The following SNTG1 variants were observed in gnomAD, a reference collection of about 807,000 sequenced individuals.
SNTG1 encodes the protein gamma-1-syntrophin.
In SNTG1, 39 loss-of-function variants were observed where a neutral mutation model predicts 74.7. That is an observed-to-expected ratio of 0.52 (90% CI 0.40 to 0.68). The LOEUF (loss-of-function observed/expected upper bound fraction) is 0.68, where lower values mean the gene tolerates loss of function less well. SNTG1 is among the 30% of genes least tolerant of loss of function. SNTG1 has a pLI of 0.00. For missense variants in SNTG1, 685 were observed against 609.5 expected (o/e 1.12, Z -1.30); for synonymous variants, 254 against 217.1 (o/e 1.17, Z -1.49).
chr8:50,491,141 G>C (rs1256214987), intron 8 of SNTG1: 1 of 152,364 alleles, frequency 6.6e-6, no homozygotes, highest in Non-Finnish European at 1.5e-5. Flanking sequence ...AGCCACCACG[G>C]GTTCTGCCGG....
At chr8:50,363,856 T>A (rs1229813566) in intron 2 of SNTG1, among the ~76,000 whole-genome samples, 5 of 152,128 alleles carry the variant, frequency 3.3e-5, no homozygotes, top group Non-Finnish European at 7.3e-5. Flanking sequence ...GATAGCCTTC[T>A]CTCTAAAGGT....
At chr8:50,016,941 G>GACA (rs1013984001) in intron 1 of SNTG1, among the ~76,000 whole-genome samples, 2 of 152,012 alleles carry the variant, frequency 1.3e-5, no homozygotes, top group African/African-American at 2.4e-5. Context: ...GCAGTGAGAT[G>GACA]ACATAGTTAA....
At chr8:50,022,691 G>A (rs968127860) in intron 1 of SNTG1, among the ~76,000 whole-genome samples, 1 of 152,200 alleles carries the variant, frequency 6.6e-6, no homozygotes, top group Non-Finnish European at 1.5e-5. Flanking sequence ...ACTGCTTACT[G>A]TCTGTGTTTT....
Position 50,354,193 on chromosome 8 carries a change from C to T in SNTG1, c.-27-40019C>T, listed in dbSNP as rs1359804277. Among the ~76,000 whole-genome samples, 4 of 152,300 alleles carry T rather than the reference C, an allele frequency of 2.6e-5. No homozygotes were observed. The East Asian group carries it at 7.7e-4, about 29-fold the overall frequency. Reference sequence around the variant, plus strand: ...TTCTTTATTAGCTGTTACTAAAAGTCTTGACTTTCCCTTCATCACAAAGGT... The same window carrying T: ...TTCTTTATTAGCTGTTACTAAAAGTTTTGACTTTCCCTTCATCACAAAGGT... On this transcript the variant is annotated intron_variant, in intron 2 of 18. Coordinates refer to ENST00000642720, the MANE Select transcript of SNTG1 (RefSeq NM_018967.5).
chr8:50,318,740 A>G (rs1189787161), intron 2 of SNTG1, among the ~76,000 whole-genome samples: 1 of 152,210 alleles, frequency 6.6e-6, no homozygotes, highest in Non-Finnish European at 1.5e-5. Flanking sequence ...TCAGTTCTAA[A>G]GTGTTGAAAT....
intron 12 of SNTG1, among the ~76,000 whole-genome samples, chr8:50,553,693 C>T (rs1427100478): frequency 6.6e-5 from 10 of 152,104 alleles, no homozygotes; most frequent in Non-Finnish European, 1.3e-4. Flanking sequence ...CCACTACAAC[C>T]GTTGCTTCCT....
chr8:50,704,681 C>A lies in SNTG1; in HGVS notation c.1120C>A (p.Leu374Met). The A allele has an allele frequency of 6.2e-7, 1 of 1,614,116 alleles. No homozygotes were observed. Among genetic ancestry groups the A allele is most frequent in the African/African-American group, 1.3e-5 (1 of 75,032 alleles). Residue 374 changes from leucine (L) to methionine (M), a missense_variant, in exon 16 of 19, where the codon CTG (leucine) becomes ATG (methionine). Coordinates refer to ENST00000642720, the MANE Select transcript of SNTG1 (RefSeq NM_018967.5). ...GGAGGACCTGTACTTCTCAGTGGAG[C>A]TGGAAAGTGACCTCGCCCAGTGGGA... ...SGEDLYFSVE[L>M]ESDLAQWERA...
rs578031969 is a variant in SNTG1 at position 50,032,344 on chromosome 8, C to G, written c.-103+120113C>G. ...TTTCTTTACTTGGGAGTTAATTTTG[C>G]TCTTTTATTCTAATTTTTTGAGATG... On this transcript the variant is annotated intron_variant, in intron 1 of 18. Transcript: ENST00000642720. Among the ~76,000 whole-genome samples, 10 of 150,850 alleles carry G rather than the reference C, an allele frequency of 6.6e-5. No homozygotes were observed. The South Asian group carries it at 1.9e-3, about 29-fold the overall frequency.
intron 15 of SNTG1, among the ~76,000 whole-genome samples, chr8:50,701,586 C>CTTCTTCTTCTTCTTCTTCTTCTTCTTCT (rs2095423842): frequency 0.011 from 1,611 of 145,300 alleles, 163 homozygotes; most frequent in African/African-American, 0.037. Context: ...CTTTTTCTTC[C>CTTCTTCTTCTTCTTCTTCTTCTTCTTCT]TCTTCTTCTT....
chr8:50,767,094 T>A (rs1563820204), intron 18 of SNTG1, among the ~76,000 whole-genome samples: 1 of 151,908 alleles, frequency 6.6e-6, no homozygotes, highest in Non-Finnish European at 1.5e-5. Context: ...GTGAAAATGG[T>A]TCAGAATAGA....
intron 1 of SNTG1, among the ~76,000 whole-genome samples, chr8:50,075,403 G>C (rs1454128454): frequency 6.6e-6 from 1 of 152,192 alleles, no homozygotes; most frequent in Admixed American, 6.5e-5. Context: ...CTAGCTCTGG[G>C]TTCATGTATG....
At chr8:49,962,572 A>G (rs1810787006) in intron 1 of SNTG1, among the ~76,000 whole-genome samples, 1 of 151,902 alleles carries the variant, frequency 6.6e-6, no homozygotes, top group South Asian at 2.1e-4. Flanking sequence ...TAGAGACAGT[A>G]GATGCATCCT....
chr8:50,266,651 TG>T (rs1252263011), intron 2 of SNTG1, among the ~76,000 whole-genome samples: 2 of 93,538 alleles, frequency 2.1e-5, no homozygotes, highest in African/African-American at 8.1e-5. Context: ...GAATTATGTG[TG>T]TGTGTGTGTG....
intron 13 of SNTG1, among the ~76,000 whole-genome samples, chr8:50,611,476 C>T (rs905171256): frequency 1.3e-5 from 2 of 152,126 alleles, no homozygotes; most frequent in African/African-American, 4.8e-5. Context: ...ATTGTTTTCA[C>T]TGCTGGATTA....
chr8:50,002,034 C>T (rs1814787049), intron 1 of SNTG1, among the ~76,000 whole-genome samples: 1 of 152,086 alleles, frequency 6.6e-6, no homozygotes, highest in South Asian at 2.1e-4. Flanking sequence ...CGGCACTTCA[C>T]CTAATCAGGT....
chr8:49,944,880 CG>C (rs1388993871), intron 1 of SNTG1, among the ~76,000 whole-genome samples: 5 of 151,960 alleles, frequency 3.3e-5, no homozygotes, highest in African/African-American at 9.7e-5. Context: ...CTTCATCTCC[CG>C]GGCTCAAGCG....
At chr8:50,287,457 G>A (rs529518908) in intron 2 of SNTG1, among the ~76,000 whole-genome samples, 51 of 152,282 alleles carry the variant, frequency 3.3e-4, no homozygotes, top group African/African-American at 1.2e-3. Flanking sequence ...CTGCAAAACA[G>A]CACCAGGCCA....
chr8:50,510,572 A>T (rs979821472), intron 9 of SNTG1, among the ~76,000 whole-genome samples: 11 of 152,120 alleles, frequency 7.2e-5, no homozygotes, highest in African/African-American at 2.4e-4. Flanking sequence ...GTAAGCTATT[A>T]ATTATTGCCA....
chr8:50,210,938 A>G (rs1186711360), intron 2 of SNTG1, among the ~76,000 whole-genome samples: 1 of 152,204 alleles, frequency 6.6e-6, no homozygotes, highest in African/African-American at 2.4e-5. Context: ...TAAGTCATGT[A>G]TCTTTCTAGA....
Sources: allele counts gnomAD v4.1 joint callset (sites outside exome capture counted in the v4.1 genomes callset), GRCh38; gene constraint gnomAD v4.1.1; transcripts MANE v1.5; gene names NCBI Gene and HGNC (gene_info 2026-07-23, HGNC 2026-07-21).